PARD6G: variants seen among roughly 807,000 people sequenced by gnomAD.
The protein encoded by PARD6G is partitioning defective 6 homolog gamma.
Under a neutral mutation model 10.7 loss-of-function variants are expected in PARD6G, and 7 were observed. The observed-to-expected ratio is 0.66, with a 90% CI of 0.37 to 1.23. PARD6G has a LOEUF of 1.23. Ranked by LOEUF, PARD6G falls within the 50% of genes most tolerant of loss-of-function variation. The pLI is 0.02. For synonymous variants in PARD6G, 287 were observed against 269.4 expected, an observed-to-expected ratio of 1.07 and a Z score of -0.64; for missense variants, 548 against 571.8, an observed-to-expected ratio of 0.96 and a Z score of 0.42.
At chr18:80,230,028 G>A (rs1967339961) in intron 1 of PARD6G, among the ~76,000 whole-genome samples, 1 of 152,234 alleles carries the variant, frequency 6.6e-6, no homozygotes, top group Non-Finnish European at 1.5e-5. Context: ...CACCATTTCA[G>A]AGGAAGAAGA....
At chr18:80,221,929 C>T (rs190586013) in intron 1 of PARD6G, among the ~76,000 whole-genome samples, 1 of 151,838 alleles carries the variant, frequency 6.6e-6, no homozygotes, top group African/African-American at 2.4e-5. Flanking sequence ...TAAGAAAATT[C>T]CATTAACAAT....
At chr18:80,185,818 G>A (rs1163060322) in intron 2 of PARD6G, among the ~76,000 whole-genome samples, 1 of 127,140 alleles carries the variant, frequency 7.9e-6, no homozygotes, top group Non-Finnish European at 1.6e-5. Context: ...ACCCTGACAT[G>A]CTCGCACACC....
intron 1 of PARD6G, among the ~76,000 whole-genome samples, chr18:80,215,720 G>A (rs965767099): frequency 4.6e-5 from 7 of 152,074 alleles, no homozygotes; most frequent in South Asian, 2.1e-4. Flanking sequence ...GCAAAATGAT[G>A]AGACAGAAAA....
chr18:80,219,788 C>T lies in PARD6G; in HGVS notation c.73-16856G>A, dbSNP rs183594848. On this transcript the variant is annotated intron_variant, in intron 1 of 2. Coordinates refer to ENST00000353265, the MANE Select transcript of PARD6G (RefSeq NM_032510.4). ...ATCACTATCAGCATTTTGGTTAAAG[C>T]CATTCAACAAGTCTCTAGGAAGTTC... 4.3e-4 allele frequency among the ~76,000 whole-genome samples: 66 copies of T among 152,282 alleles called. No individual in the cohort carries two copies. The East Asian group carries it at 0.012, about 27-fold the overall frequency.
At chr18:80,172,236 G>A (rs975540703) in intron 2 of PARD6G, among the ~76,000 whole-genome samples, 9 of 152,104 alleles carry the variant, frequency 5.9e-5, no homozygotes, top group African/African-American at 1.9e-4. Flanking sequence ...GGTGTGAAGC[G>A]GTGTCTCACT....
chr18:80,217,222 G>A (rs984460381), intron 1 of PARD6G, among the ~76,000 whole-genome samples: 3 of 152,278 alleles, frequency 2.0e-5, no homozygotes, highest in Admixed American at 6.5e-5. Context: ...ATAATTCAAA[G>A]TACAAATAAA....
chr18:80,181,029 C>T lies in PARD6G; in HGVS notation c.296-20423G>A, dbSNP rs1016078483. On this transcript the variant is annotated intron_variant, in intron 2 of 2. Coordinates refer to ENST00000353265, the MANE Select transcript of PARD6G (RefSeq NM_032510.4). This position sits in a 1 kb window ranked among gnomAD's most constrained non-coding sequence, Gnocchi z 7.9. ...CGCACGTTTCCAGCGGGCTGGAAGG[C>T]GGCTCCTACAGTCAGGCTGTTCAAA... 2.0e-5 allele frequency among the ~76,000 whole-genome samples: 3 copies of T among 152,176 alleles called. No homozygotes were observed. The highest frequency in any genetic ancestry group is 4.8e-5 in the African/African-American group (2 of 41,446).
At position 80,183,064 on chromosome 18, in the gene PARD6G, T is replaced by A. The variant is rs1854667483; in HGVS notation, c.295+19646A>T. Reference sequence around the variant, plus strand: ...GGGCCATCCATTCTCTACCATGGCATGCCGACAACAGGGGCACAGAGAAGT... The same window carrying A: ...GGGCCATCCATTCTCTACCATGGCAAGCCGACAACAGGGGCACAGAGAAGT... On this transcript the variant is annotated intron_variant, in intron 2 of 2. Transcript: ENST00000353265. This position sits in a 1 kb window ranked among gnomAD's most constrained non-coding sequence, Gnocchi z 4.5. 1.4e-6 allele frequency: 1 copy of A among 702,426 alleles called. No homozygotes were observed. The highest frequency in any genetic ancestry group is 1.7e-5 in the African/African-American group (1 of 57,250). 43.5% of individuals were successfully genotyped at this position (702,426 alleles called of 1,614,324 possible). A position where few individuals can be genotyped will look rare whatever the true frequency, so the allele number is the denominator to read the frequency against.
chr18:80,243,620 G>T (rs1340331532), intron 1 of PARD6G, among the ~76,000 whole-genome samples: 1 of 152,108 alleles, frequency 6.6e-6, no homozygotes, highest in East Asian at 1.9e-4. Context: ...TAACACGACA[G>T]ACAATCTGTG....
At chr18:80,239,444 TAAA>T (rs552817779) in intron 1 of PARD6G, among the ~76,000 whole-genome samples, 1 of 149,356 alleles carries the variant, frequency 6.7e-6, no homozygotes, top group Non-Finnish European at 1.5e-5. Flanking sequence ...GCTGATGAGC[TAAA>T]AAAAAAATTA....
rs2052845528 is a variant in PARD6G at position 80,180,958 on chromosome 18, C to T, written c.296-20352G>A. Among the ~76,000 whole-genome samples, 3 of 152,236 alleles carry T rather than the reference C, an allele frequency of 2.0e-5. No homozygotes were observed. Among genetic ancestry groups the T allele is most frequent in the Admixed American group, 2.0e-4 (3 of 15,288 alleles). Reference sequence around the variant, plus strand: ...AGATGCCCCACAGCAAAGAAATGTCCAGCGCAGAACGTCAGCAGTGCTGAG... The same window carrying T: ...AGATGCCCCACAGCAAAGAAATGTCTAGCGCAGAACGTCAGCAGTGCTGAG... On this transcript the variant is annotated intron_variant, in intron 2 of 2. Transcript: ENST00000353265. The surrounding 1 kb of genome is among the most constrained non-coding windows in gnomAD (Gnocchi z 5.6).
At chr18:80,205,823 C>T (rs1350401612) in intron 1 of PARD6G, among the ~76,000 whole-genome samples, 1 of 152,180 alleles carries the variant, frequency 6.6e-6, no homozygotes, top group Non-Finnish European at 1.5e-5. Flanking sequence ...AATACATATA[C>T]CAACTTCCAA....
In PARD6G at chr18:80,159,472, A is replaced by C; in HGVS notation, c.*299T>G. ...TTCACTTTAAAAACAAAGTATTTGTAAAAATTTTAAAAAGCATTTTTTTGC... is the reference window on the plus strand; with the variant it reads ...TTCACTTTAAAAACAAAGTATTTGTCAAAATTTTAAAAAGCATTTTTTTGC... On this transcript the variant is annotated 3_prime_UTR_variant, in exon 3 of 3. Transcript: ENST00000353265. The C allele has an allele frequency of 2.1e-5, 6 of 291,882 alleles. No homozygotes were observed. The highest frequency in any genetic ancestry group is 5.2e-5 in the Admixed American group (1 of 19,332). The allele number at this position is 291,882 out of a possible 1,614,324, so 18.1% of individuals were successfully genotyped here.
In PARD6G at chr18:80,214,930, A is replaced by G. The variant is rs568373314; in HGVS notation, c.73-11998T>C. 2.6e-3 allele frequency among the ~76,000 whole-genome samples: 398 copies of G among 151,954 alleles called. 2 individuals carry two copies. The highest frequency in any genetic ancestry group is 9.3e-3 in the African/African-American group (385 of 41,446). On this transcript the variant is annotated intron_variant, in intron 1 of 2. Coordinates refer to ENST00000353265, the MANE Select transcript of PARD6G (RefSeq NM_032510.4). ...CTAGACACATCACATGCAAACTGCCAAAAAAAAGAGAGAGAGAATCCTGAA... is the reference window on the plus strand; with the variant it reads ...CTAGACACATCACATGCAAACTGCCGAAAAAAAGAGAGAGAGAATCCTGAA...
chr18:80,172,678 C>T (rs1296806082), intron 2 of PARD6G, among the ~76,000 whole-genome samples: 3 of 152,176 alleles, frequency 2.0e-5, no homozygotes, highest in Non-Finnish European at 4.4e-5. Context: ...CACCACCATG[C>T]CCAGCTGGGT....
At chr18:80,224,203 ACT>A (rs1329546609) in intron 1 of PARD6G, among the ~76,000 whole-genome samples, 1 of 152,212 alleles carries the variant, frequency 6.6e-6, no homozygotes, top group African/African-American at 2.4e-5. Flanking sequence ...CTGAAGGATA[ACT>A]CATCACCATT....
At position 80,160,169 on chromosome 18, in the gene PARD6G, CGAT is replaced by C; in HGVS notation, c.730_732del (p.Ile244del). The C allele has an allele frequency of 1.2e-6, 2 of 1,613,428 alleles. No homozygotes were observed. Among genetic ancestry groups the C allele is most frequent in the Non-Finnish European group, 1.7e-6 (2 of 1,179,808 alleles). On this transcript the variant is annotated inframe_deletion, in exon 3 of 3. Transcript: ENST00000353265. ...CGCTGGTTGGCGGGCTTGACGGTGA[CGAT>C]GAGGTTGTGGCTGTTGGCGATCATC... is the stretch of plus-strand genomic sequence containing the variant.
chr18:80,176,526 C>T (rs1412280294), intron 2 of PARD6G, among the ~76,000 whole-genome samples: 3 of 152,136 alleles, frequency 2.0e-5, no homozygotes, highest in Non-Finnish European at 4.4e-5. Context: ...GTCTCAGCTC[C>T]CACTCAGGTC....
In PARD6G at chr18:80,192,617, G is replaced by A. The variant is rs1966908958; in HGVS notation, c.295+10093C>T. On this transcript the variant is annotated intron_variant, in intron 2 of 2. Transcript: ENST00000353265. The surrounding 1 kb of genome is among the most constrained non-coding windows in gnomAD (Gnocchi z 4.9). Reference sequence around the variant, plus strand: ...AGGCAGCCCCAGGGACCTGTGTGGGGCTGTCATGACACATTGAAGGGTACA... The same window carrying A: ...AGGCAGCCCCAGGGACCTGTGTGGGACTGTCATGACACATTGAAGGGTACA... Among the ~76,000 whole-genome samples, 1 of 152,192 alleles carries A rather than the reference G, an allele frequency of 6.6e-6. No individual in the cohort carries two copies. The highest frequency in any genetic ancestry group is 2.4e-5 in the African/African-American group (1 of 41,438).
Sources: gnomAD v4.1 joint callset for allele counts (sites outside exome capture counted in the v4.1 genomes callset) on GRCh38, gnomAD v4.1.1 for gene constraint, Gnocchi (gnomAD v3.1) non-coding constraint, MANE v1.5 for transcripts, NCBI Gene and HGNC (gene_info 2026-07-23, HGNC 2026-07-21) for gene names.